The following ENDOV variants were observed in gnomAD, a reference collection of about 807,000 sequenced individuals.
ENDOV encodes the protein hEndoV.
A neutral mutation model predicts 39.4 loss-of-function variants in ENDOV; 37 were observed. The ratio of observed to expected loss-of-function variants is 0.94; its 90% CI spans 0.72 to 1.23. The LOEUF is 1.23. ENDOV is among the 50% of genes most tolerant of loss of function. The probability of loss-of-function intolerance (pLI) is 0.00; values close to 1 mark genes in which losing one functional copy is unlikely to be tolerated. For synonymous variants in ENDOV, 186 were observed against 163.4 expected, an observed-to-expected ratio of 1.14 and a Z score of -1.05; for missense variants, 441 against 375.7, an observed-to-expected ratio of 1.17 and a Z score of -1.44.
chr17:80,436,508 T>G lies in ENDOV; in HGVS notation c.*365T>G, dbSNP rs2083600239. 5.9e-6 allele frequency: 3 copies of G among 511,788 alleles called. No homozygotes were observed. Among genetic ancestry groups the G allele is most frequent in the South Asian group, 4.3e-5 (2 of 46,354 alleles). The allele number at this position is 511,788 out of a possible 1,614,324, so 31.7% of individuals were successfully genotyped here. ...AGGGTACTGGATTTTGTCAAATGCT[T>G]TTCTGGCCTCTATTGAAAAGATCCT... On this transcript the variant is annotated 3_prime_UTR_variant, in exon 10 of 10. Coordinates refer to ENST00000518137, the MANE Select transcript of ENDOV (RefSeq NM_173627.5).
intron 4 of ENDOV, among the ~76,000 whole-genome samples, chr17:80,422,830 G>C (rs192300274): frequency 6.6e-6 from 1 of 152,206 alleles, no homozygotes; most frequent in African/African-American, 2.4e-5. Flanking sequence ...CTCCTGAGTA[G>C]CTGAGACTAC....
chr17:80,436,050 T>A, intron 9 of ENDOV, 83 bp from the exon 10 acceptor site: 1 of 1,496,258 alleles, frequency 6.7e-7, no homozygotes, highest in Non-Finnish European at 9.2e-7. Context: ...CCACTGCACC[T>A]GGCCCATTTC....
chr17:80,422,448 G>A (rs1056221267), intron 4 of ENDOV, among the ~76,000 whole-genome samples: 2 of 152,196 alleles, frequency 1.3e-5, no homozygotes, highest in African/African-American at 4.8e-5. Context: ...GTCTACTTTC[G>A]CTTCACCCCT....
At chr17:80,433,381 C>A (rs375677290) in intron 9 of ENDOV, among the ~76,000 whole-genome samples, 1 of 152,230 alleles carries the variant, frequency 6.6e-6, no homozygotes, top group South Asian at 2.1e-4. Context: ...GCCGTCAGTC[C>A]GCCATGCTGT....
chr17:80,432,864 C>T (rs1280968954), intron 9 of ENDOV, among the ~76,000 whole-genome samples: 1 of 152,152 alleles, frequency 6.6e-6, no homozygotes, highest in African/African-American at 2.4e-5. Flanking sequence ...CCCGAGGGCA[C>T]TCGTGGGAAA....
At chr17:80,416,579 C>T (rs1015969367) in intron 2 of ENDOV, among the ~76,000 whole-genome samples, 1 of 152,216 alleles carries the variant, frequency 6.6e-6, no homozygotes, top group Non-Finnish European at 1.5e-5. Flanking sequence ...TCCTGAGCAG[C>T]ATTTTCATGG....
At chr17:80,429,661 C>A in intron 8 of ENDOV, 112 bp from the exon 9 acceptor site, 2 of 1,008,882 alleles carry the variant, frequency 2.0e-6, no homozygotes, top group Non-Finnish European at 2.9e-6. Flanking sequence ...TGGGCTGTAG[C>A]AGGTCCTGAG....
chr17:80,429,959 CG>C, intron 9 of ENDOV, 128 bp downstream of exon 9: 3 of 1,561,854 alleles, frequency 1.9e-6, no homozygotes, highest in Non-Finnish European at 2.6e-6. Context: ...AGAAGGCCAC[CG>C]GCCACCCCGT....
chr17:80,430,901 G>T (rs1300338535), intron 9 of ENDOV, among the ~76,000 whole-genome samples: 1 of 152,182 alleles, frequency 6.6e-6, no homozygotes, highest in Non-Finnish European at 1.5e-5. Flanking sequence ...TCTTGGTGTG[G>T]GCTAGAGGCG....
intron 7 of ENDOV, among the ~76,000 whole-genome samples, chr17:80,428,103 G>A (rs549389149): frequency 2.2e-3 from 332 of 152,300 alleles, no homozygotes; most frequent in Middle Eastern, 0.014. Context: ...GTGGCCCACC[G>A]CCCTCTTTTA....
At position 80,416,190 on chromosome 17, in the gene ENDOV, T is replaced by C. The variant is rs185480171; in HGVS notation, c.228+369T>C. 4.2e-3 allele frequency: 607 copies of C among 145,870 alleles called. 6 individuals carry two copies. Among genetic ancestry groups the C allele is most frequent in the African/African-American group, 0.019 (581 of 31,152 alleles). The allele number at this position is 145,870 out of a possible 1,614,324, so 9.0% of individuals were successfully genotyped here. On this transcript the variant is annotated intron_variant, in intron 2 of 9. Transcript: ENST00000518137. ...AGGCGGAGGTTGCGGTGAGCCAACA[T>C]CACGCCATTGCACTCCAGCCTCGGC...
rs775960980 is a variant in ENDOV at position 80,421,821 on chromosome 17, G to T, written c.229-7G>T. The T allele has an allele frequency of 2.3e-5, 37 of 1,592,372 alleles. No individual in the cohort carries two copies. The highest frequency in any genetic ancestry group is 3.0e-5 in the Non-Finnish European group (35 of 1,170,126). On this transcript the variant is annotated splice_region_variant and splice_polypyrimidine_tract_variant and intron_variant, in intron 2 of 9. Transcript: ENST00000518137. ...TGCTTCCCACTGAGCTGCGTGCCTGGTGTCAGGTGGTGTATGAGGAGAGCC... is the reference window on the plus strand; with the variant it reads ...TGCTTCCCACTGAGCTGCGTGCCTGTTGTCAGGTGGTGTATGAGGAGAGCC...
chr17:80,425,313 A>G, intron 6 of ENDOV, 179 bp from the exon 7 acceptor site: 1 of 987,492 alleles, frequency 1.0e-6, no homozygotes, highest in Non-Finnish European at 1.5e-6. Flanking sequence ...ACCCTCCCCC[A>G]GGGACAAGCA....
At chr17:80,427,348 C>A in intron 7 of ENDOV, 1 of 848,908 alleles carries the variant, frequency 1.2e-6, no homozygotes, top group Non-Finnish European at 1.4e-6. Context: ...GTTCCTGGAG[C>A]TCCTGTACCT....
chr17:80,429,069 G>C (rs41300786), intron 8 of ENDOV, among the ~76,000 whole-genome samples: 1 of 152,192 alleles, frequency 6.6e-6, no homozygotes, highest in Non-Finnish European at 1.5e-5. Flanking sequence ...TGCACTCTTC[G>C]AGCCTCAGCT....
intron 2 of ENDOV, chr17:80,418,039 T>TACTGA (rs2081436451): frequency 6.6e-6 from 1 of 152,168 alleles, no homozygotes; most frequent in African/African-American, 2.4e-5. Flanking sequence ...GTGCCTACTG[T>TACTGA]GTGCTAAGAT....
chr17:80,423,003 G>T (rs1173175116), intron 4 of ENDOV, among the ~76,000 whole-genome samples: 1 of 151,948 alleles, frequency 6.6e-6, no homozygotes, highest in Non-Finnish European at 1.5e-5. Flanking sequence ...CCGGCCTAGG[G>T]AGATGGGCTC....
At chr17:80,424,636 C>G (rs928543452) in intron 5 of ENDOV, among the ~76,000 whole-genome samples, 1 of 152,204 alleles carries the variant, frequency 6.6e-6, no homozygotes, top group Non-Finnish European at 1.5e-5. Context: ...CTTCCCTTTC[C>G]TGGCCCAGTG....
rs368191864 is a variant in ENDOV, at chr17:80,415,184, G to A, written c.-11G>A. ...GAAGTGACGTGCGGAAGGGGTGCCCGGGACGAAGCCATGGCCCTGGAGGCG... is the reference window on the plus strand; with the variant it reads ...GAAGTGACGTGCGGAAGGGGTGCCCAGGACGAAGCCATGGCCCTGGAGGCG... On this transcript the variant is annotated 5_prime_UTR_variant, in exon 1 of 10. Transcript: ENST00000518137. 7 of 1,612,568 alleles carry A rather than the reference G, an allele frequency of 4.3e-6. No individual in the cohort carries two copies. The highest frequency in any genetic ancestry group is 1.7e-5 in the Admixed American group (1 of 59,926).
Sources: gnomAD v4.1 joint callset for allele counts (sites outside exome capture counted in the v4.1 genomes callset) on GRCh38, gnomAD v4.1.1 for gene constraint, MANE v1.5 for transcripts, NCBI Gene and HGNC (gene_info 2026-07-23, HGNC 2026-07-21) for gene names.